Variants in CSMD3 observed in about 807,000 individuals in gnomAD.
CSMD3 encodes the protein CUB and sushi domain-containing protein 3.
Under a neutral mutation model 435.2 loss-of-function variants are expected in CSMD3, and 177 were observed. The ratio of observed to expected loss-of-function variants is 0.41; its 90% CI spans 0.36 to 0.46. CSMD3 has a LOEUF of 0.46. Among genes scored for constraint, CSMD3 ranks in the 20% least tolerant of loss-of-function variants. The probability of loss-of-function intolerance (pLI) is 0.34; values close to 1 mark genes in which losing one functional copy is unlikely to be tolerated. For missense variants in CSMD3, 4,265 were observed against 4,504.6 expected (o/e 0.95, Z 1.52); for synonymous variants, 1,656 against 1,520.5 (o/e 1.09, Z -2.07).
chr8:112,559,041 G>A (rs1244308856), intron 24 of CSMD3, among the ~76,000 whole-genome samples: 1 of 151,854 alleles, frequency 6.6e-6, no homozygotes, highest in African/African-American at 2.4e-5. Context: ...GTCATTCTGA[G>A]ATGTAGAGAT....
At chr8:112,250,537 A>T (rs190941359) in intron 63 of CSMD3, among the ~76,000 whole-genome samples, 2 of 151,500 alleles carry the variant, frequency 1.3e-5, no homozygotes, top group Non-Finnish European at 3.0e-5. Context: ...ATAGTTCTTT[A>T]TCCTTTCCCA....
intron 58 of CSMD3, among the ~76,000 whole-genome samples, chr8:112,282,241 T>C (rs2130591723): frequency 6.6e-6 from 1 of 152,124 alleles, no homozygotes; most frequent in Non-Finnish European, 1.5e-5. Context: ...CGTGTGTGTG[T>C]GTGTGTGTGC....
intron 16 of CSMD3, among the ~76,000 whole-genome samples, chr8:112,681,075 A>T (rs1168954013): frequency 6.7e-6 from 1 of 149,436 alleles, no homozygotes; most frequent in African/African-American, 2.5e-5. Context: ...TTGCTCTATC[A>T]CCAGGCTGGA....
At chr8:112,240,097 CTTCT>C (rs1352379298) in intron 66 of CSMD3, among the ~76,000 whole-genome samples, 1 of 151,836 alleles carries the variant, frequency 6.6e-6, no homozygotes, top group Non-Finnish European at 1.5e-5. Flanking sequence ...GTGTTGATGT[CTTCT>C]TTAATTCATG....
intron 2 of CSMD3, among the ~76,000 whole-genome samples, chr8:113,308,258 CTTTTTTTTT>C (rs11440584): frequency 4.6e-5 from 3 of 64,966 alleles, no homozygotes; most frequent in Non-Finnish European, 8.2e-5. Flanking sequence ...TCATTTAAGT[CTTTTTTTTT>C]TTTTTTTTTT....
intron 32 of CSMD3, among the ~76,000 whole-genome samples, chr8:112,444,123 G>A (rs921774363): frequency 3.9e-5 from 6 of 152,082 alleles, no homozygotes; most frequent in African/African-American, 1.4e-4. Context: ...TATGTAAAAG[G>A]AGCATATGGG....
chr8:113,034,536 G>A (rs766744369), intron 5 of CSMD3, among the ~76,000 whole-genome samples: 11 of 152,100 alleles, frequency 7.2e-5, no homozygotes, highest in Non-Finnish European at 1.5e-4. Context: ...CCTGCTGTTG[G>A]TGGTGGAGAT....
intron 66 of CSMD3, among the ~76,000 whole-genome samples, chr8:112,241,066 T>C (rs1352792712): frequency 6.6e-6 from 1 of 152,088 alleles, no homozygotes; most frequent in Non-Finnish European, 1.5e-5. Context: ...AAGCAATTCA[T>C]ATATTGAGCC....
At chr8:112,241,471 T>G (rs560996451) in intron 66 of CSMD3, among the ~76,000 whole-genome samples, 1 of 152,188 alleles carries the variant, frequency 6.6e-6, no homozygotes, top group East Asian at 1.9e-4. Context: ...GCTATAGTCA[T>G]TTACAGATAC....
chr8:113,246,090 T>C (rs1164682839), intron 3 of CSMD3, among the ~76,000 whole-genome samples: 2 of 151,996 alleles, frequency 1.3e-5, no homozygotes, highest in African/African-American at 4.8e-5. Context: ...CTTGAGTTTA[T>C]CTTACTTGAA....
At chr8:112,606,991 A>G (rs1832847163) in intron 22 of CSMD3, among the ~76,000 whole-genome samples, 1 of 148,658 alleles carries the variant, frequency 6.7e-6, no homozygotes, top group Admixed American at 6.7e-5. Flanking sequence ...AAAAAAAAAA[A>G]AAAGCTAAGC....
At chr8:112,718,827 G>A (rs895944936) in intron 13 of CSMD3, among the ~76,000 whole-genome samples, 2 of 151,888 alleles carry the variant, frequency 1.3e-5, no homozygotes, top group African/African-American at 4.8e-5. Flanking sequence ...TGTCTATTTT[G>A]TCTTCTCAGC....
At chr8:112,865,675 C>A (rs1288325820) in intron 10 of CSMD3, among the ~76,000 whole-genome samples, 1 of 131,464 alleles carries the variant, frequency 7.6e-6, no homozygotes, top group Admixed American at 8.2e-5. Context: ...TAAGTATTAC[C>A]TTTACATACC....
chr8:112,501,277 C>T (rs1821926528), intron 30 of CSMD3, among the ~76,000 whole-genome samples: 1 of 151,400 alleles, frequency 6.6e-6, no homozygotes, highest in African/African-American at 2.4e-5. Flanking sequence ...AGTTAAAACT[C>T]GGGACCATAG....
chr8:112,624,700 T>C (rs2131531777), intron 22 of CSMD3, among the ~76,000 whole-genome samples: 1 of 152,134 alleles, frequency 6.6e-6, no homozygotes, highest in African/African-American at 2.4e-5. Context: ...ATAAAAGTAC[T>C]AGCAAGGTAT....
chr8:112,331,332 C>G (rs992539503), intron 45 of CSMD3, among the ~76,000 whole-genome samples: 2 of 151,770 alleles, frequency 1.3e-5, no homozygotes, highest in African/African-American at 4.8e-5. Flanking sequence ...TATAGCAACA[C>G]AAAGAGATAC....
At chr8:112,555,309 T>C (rs917439823) in intron 25 of CSMD3, among the ~76,000 whole-genome samples, 1 of 151,988 alleles carries the variant, frequency 6.6e-6, no homozygotes, top group Non-Finnish European at 1.5e-5. Context: ...CATAAAAATA[T>C]ATATGCTTTT....
chr8:113,391,510 C>A (rs2094461000), intron 1 of CSMD3, among the ~76,000 whole-genome samples: 1 of 151,932 alleles, frequency 6.6e-6, no homozygotes, highest in South Asian at 2.1e-4. Context: ...CAATGCATAG[C>A]ATTAAGAAAT....
intron 13 of CSMD3, among the ~76,000 whole-genome samples, chr8:112,762,979 T>C (rs1179881420): frequency 6.6e-6 from 1 of 151,736 alleles, no homozygotes; most frequent in Admixed American, 6.6e-5. Flanking sequence ...GTTCAAGCGA[T>C]GTATTGTACC....
Sources: allele counts gnomAD v4.1 joint callset (sites outside exome capture counted in the v4.1 genomes callset), GRCh38; gene constraint gnomAD v4.1.1; transcripts MANE v1.5; gene names NCBI Gene and HGNC (gene_info 2026-07-23, HGNC 2026-07-21).